GABRG3: variants seen among roughly 807,000 people sequenced by gnomAD.
GABRG3 encodes the protein gamma-aminobutyric acid receptor subunit gamma-3.
In GABRG3, 25 loss-of-function variants were observed where a neutral mutation model predicts 48.8. The observed-to-expected ratio is 0.51, with a 90% confidence interval of 0.37 to 0.72. The LOEUF is 0.72. Ranked by LOEUF, GABRG3 falls within the 30% of genes least tolerant of loss-of-function variation. GABRG3 has a pLI of 0.00. For missense variants in GABRG3, 394 were observed against 577.9 expected, an observed-to-expected ratio of 0.68 and a Z score of 3.26; for synonymous variants, 227 against 217.6, an observed-to-expected ratio of 1.04 and a Z score of -0.38.
At chr15:27,009,284 C>A (rs1895644285) in intron 2 of GABRG3, among the ~76,000 whole-genome samples, 1 of 152,138 alleles carries the variant, frequency 6.6e-6, no homozygotes. Flanking sequence ...TCTTGGGAAT[C>A]TTTTTGCTTT....
At chr15:27,412,380 G>A (rs142936036) in intron 5 of GABRG3, among the ~76,000 whole-genome samples, 3 of 152,144 alleles carry the variant, frequency 2.0e-5, no homozygotes, top group African/African-American at 7.2e-5. Flanking sequence ...TCACTAATTT[G>A]TTCTCTGTTT....
At chr15:27,128,707 A>G (rs1407611151) in intron 3 of GABRG3, among the ~76,000 whole-genome samples, 2 of 152,188 alleles carry the variant, frequency 1.3e-5, no homozygotes, top group African/African-American at 4.8e-5. Context: ...CAGAGATAGA[A>G]AGCCGAGTCC....
At chr15:27,350,293 C>CTGG in intron 5 of GABRG3, 1 of 402,572 alleles carries the variant, frequency 2.5e-6, no homozygotes. Context: ...ACAGAGCTGG[C>CTGG]TGGTGGTTGC....
intron 3 of GABRG3, among the ~76,000 whole-genome samples, chr15:27,253,323 G>A (rs1890518817): frequency 6.6e-6 from 1 of 152,224 alleles, no homozygotes. Flanking sequence ...GGGATGCTGG[G>A]AGGGGCCTGA....
chr15:27,271,773 CGCATAG>C (rs1163816983), intron 3 of GABRG3: 1 of 368,538 alleles, frequency 2.7e-6, no homozygotes, highest in Non-Finnish European at 5.4e-6. Context: ...CGGTCAGGGA[CGCATAG>C]GCAGGTGATG....
chr15:27,423,242 TAAAAAAAA>T (rs58007397), intron 5 of GABRG3, among the ~76,000 whole-genome samples: 1 of 74,750 alleles, frequency 1.3e-5, no homozygotes, highest in African/African-American at 4.7e-5. Flanking sequence ...GTCATTATGA[TAAAAAAAA>T]AAAAAAAAAA....
chr15:27,319,361 G>T lies in GABRG3; in HGVS notation c.271-7448G>T, dbSNP rs80202327. ...TGTTGTGAACATTGGGTACAGTGGG[G>T]CTATGTCAATTATTTGGAAAGTGGA... On this transcript the variant is annotated intron_variant, in intron 3 of 9. Transcript: ENST00000615808. This position sits in a 1 kb window ranked among gnomAD's most constrained non-coding sequence, Gnocchi z 4.4. Among the ~76,000 whole-genome samples the T allele has an allele frequency of 0.044, 6,714 of 152,202 alleles. 401 individuals are homozygous for T. Among genetic ancestry groups the T allele is most frequent in the African/African-American group, 0.14 (5,644 of 41,506 alleles).
intron 3 of GABRG3, among the ~76,000 whole-genome samples, chr15:27,129,818 A>T (rs1326377423): frequency 2.0e-5 from 3 of 151,686 alleles, no homozygotes; most frequent in Admixed American, 6.6e-5. Flanking sequence ...ACAACCTTAC[A>T]TGTGTTTATT....
chr15:27,077,229 C>G (rs1896925072), intron 3 of GABRG3, among the ~76,000 whole-genome samples: 1 of 152,146 alleles, frequency 6.6e-6, no homozygotes, highest in Admixed American at 6.5e-5. Context: ...CTCTGGGTAT[C>G]ACTGTGTTGC....
chr15:27,262,249 G>A (rs188950036), intron 3 of GABRG3, among the ~76,000 whole-genome samples: 1 of 152,354 alleles, frequency 6.6e-6, no homozygotes, highest in African/African-American at 2.4e-5. Flanking sequence ...TCTGTTTGCT[G>A]TTTTGAGGTC....
At chr15:27,527,204 T>C (rs1453394662) in intron 7 of GABRG3, among the ~76,000 whole-genome samples, 1 of 152,262 alleles carries the variant, frequency 6.6e-6, no homozygotes, top group African/African-American at 2.4e-5. Flanking sequence ...AGGTGTTGAT[T>C]TGATTCAGGC....
chr15:27,500,821 G>A (rs974415453), intron 6 of GABRG3, among the ~76,000 whole-genome samples: 7 of 145,960 alleles, frequency 4.8e-5, no homozygotes, highest in African/African-American at 1.8e-4. Flanking sequence ...TGACCTGCAG[G>A]TGTAATTTGT....
chr15:27,437,727 T>G (rs1178777506), intron 5 of GABRG3, among the ~76,000 whole-genome samples: 1 of 152,186 alleles, frequency 6.6e-6, no homozygotes, highest in Non-Finnish European at 1.5e-5. Context: ...AGAGAATACC[T>G]AAGGCTGGGT....
intron 3 of GABRG3, among the ~76,000 whole-genome samples, chr15:27,101,494 A>T (rs1201762537): frequency 6.6e-6 from 1 of 152,212 alleles, no homozygotes; most frequent in Non-Finnish European, 1.5e-5. Flanking sequence ...AGTTTTGAAA[A>T]AGAAGAATGA....
At chr15:27,384,737 T>C (rs975492800) in intron 5 of GABRG3, among the ~76,000 whole-genome samples, 5 of 152,162 alleles carry the variant, frequency 3.3e-5, no homozygotes, top group African/African-American at 1.2e-4. Context: ...ATACAAGTAA[T>C]AGAAATGGCA....
intron 3 of GABRG3, among the ~76,000 whole-genome samples, chr15:27,271,167 G>A (rs1891072219): frequency 6.6e-6 from 1 of 152,328 alleles, no homozygotes; most frequent in East Asian, 1.9e-4. Flanking sequence ...AGGTCCTGCA[G>A]ACAACAAGGA....
At chr15:27,143,634 C>A (rs1381990702) in intron 3 of GABRG3, among the ~76,000 whole-genome samples, 1 of 152,142 alleles carries the variant, frequency 6.6e-6, no homozygotes, top group East Asian at 1.9e-4. Context: ...TGGAAAGCTG[C>A]GAGTGTATCC....
chr15:27,452,825 G>A lies in GABRG3; in HGVS notation c.575-27825G>A, dbSNP rs778464387. 1.2e-3 allele frequency among the ~76,000 whole-genome samples: 184 copies of A among 152,292 alleles called. 4 individuals carry two copies. The highest frequency in any genetic ancestry group is 1.2e-3 in the Non-Finnish European group (79 of 68,024). ...CCAAAGGCAGTGCAATCAGTATGCC[G>A]AAGAGGTAGCTGCAATTCCATGTTA... On this transcript the variant is annotated intron_variant, in intron 5 of 9. Coordinates refer to ENST00000615808, the MANE Select transcript of GABRG3 (RefSeq NM_033223.5).
intron 3 of GABRG3, among the ~76,000 whole-genome samples, chr15:27,115,442 C>T (rs1252959892): frequency 1.3e-5 from 2 of 152,240 alleles, no homozygotes; most frequent in East Asian, 3.9e-4. Context: ...CTCCTGATCA[C>T]GTGGGCATTT....
Sources: gnomAD v4.1 joint callset for allele counts (sites outside exome capture counted in the v4.1 genomes callset) on GRCh38, gnomAD v4.1.1 for gene constraint, Gnocchi (gnomAD v3.1) non-coding constraint, MANE v1.5 for transcripts, NCBI Gene and HGNC (gene_info 2026-07-23, HGNC 2026-07-21) for gene names.